The following ACSS2 variants were observed in gnomAD, a reference collection of about 807,000 sequenced individuals.
ACSS2 encodes acetyl-coenzyme A synthetase, cytoplasmic.
A neutral mutation model predicts 90.6 loss-of-function variants in ACSS2; 58 were observed. The observed-to-expected ratio is 0.64, with a 90% CI of 0.52 to 0.80. ACSS2 has a LOEUF of 0.80. ACSS2 is among the 30% of genes least tolerant of loss of function. ACSS2 has a pLI of 0.00. For synonymous variants in ACSS2, 300 were observed against 330.9 expected, an observed-to-expected ratio of 0.91 and a Z score of 1.01; for missense variants, 759 against 912.0, an observed-to-expected ratio of 0.83 and a Z score of 2.16.
At position 34,919,370 on chromosome 20, in the gene ACSS2, A is replaced by G. The variant is rs932021703; in HGVS notation, c.835-65A>G. The G allele has an allele frequency of 2.5e-6, 4 of 1,592,750 alleles. No homozygotes were observed. The East Asian group carries it at 9.0e-5, about 36-fold the overall frequency. On this transcript the variant is annotated intron_variant, in intron 7 of 17. Transcript: ENST00000360596. ...GTCCCACCTCATTCCCTCCAGGGGC[A>G]AGGTACGGGTGTATCTTGTCCCCAT... is the stretch of plus-strand genomic sequence containing the variant.
intron 14 of ACSS2, 104 bp downstream of exon 14, chr20:34,923,535 C>G (rs1319659254): frequency 2.5e-6 from 2 of 802,576 alleles, no homozygotes; most frequent in Non-Finnish European, 4.2e-6. Flanking sequence ...ATACCTGAGA[C>G]TGGGTGATTT....
At chr20:34,923,953 G>T (rs982743945) in intron 14 of ACSS2, among the ~76,000 whole-genome samples, 1 of 152,078 alleles carries the variant, frequency 6.6e-6, no homozygotes, top group Non-Finnish European at 1.5e-5. Context: ...AATTAGAGAA[G>T]AATGTGTCCT....
intron 2 of ACSS2, among the ~76,000 whole-genome samples, chr20:34,889,217 G>A (rs1455501406): frequency 6.6e-6 from 1 of 151,984 alleles, no homozygotes; most frequent in Admixed American, 6.6e-5. Flanking sequence ...CTGCCTCCTG[G>A]GTTCACACCA....
At chr20:34,926,756 C>A in intron 16 of ACSS2, 121 bp from the exon 17 acceptor site, 1 of 881,934 alleles carries the variant, frequency 1.1e-6, no homozygotes, top group Non-Finnish European at 1.8e-6. Flanking sequence ...GAACCTGAGG[C>A]TGTCTCTGTG....
chr20:34,876,532 C>A, upstream of ACSS2: 1 of 1,223,260 alleles, frequency 8.2e-7, no homozygotes, highest in Non-Finnish European at 1.0e-6. Context: ...GCCACTCCCC[C>A]ACTCACCAGG....
chr20:34,888,302 A>C (rs1408311224), intron 2 of ACSS2, among the ~76,000 whole-genome samples: 1 of 152,112 alleles, frequency 6.6e-6, no homozygotes, highest in Non-Finnish European at 1.5e-5. Context: ...CAGTTTTCTC[A>C]ACTGTTAAAC....
intron 2 of ACSS2, among the ~76,000 whole-genome samples, chr20:34,901,202 T>G (rs1047609820): frequency 3.9e-5 from 6 of 152,214 alleles, no homozygotes; most frequent in African/African-American, 1.4e-4. Flanking sequence ...TTCTCAATGG[T>G]AAATAAGAGT....
chr20:34,913,030 CT>C, intron 2 of ACSS2, 65 bp from the exon 3 acceptor site: 2 of 1,235,672 alleles, frequency 1.6e-6, no homozygotes, highest in Non-Finnish European at 1.2e-6. Context: ...TTTTATGACT[CT>C]GCCTGTTTCT....
At chr20:34,878,228 C>T (rs1034472697) in intron 1 of ACSS2, among the ~76,000 whole-genome samples, 5 of 152,166 alleles carry the variant, frequency 3.3e-5, no homozygotes, top group East Asian at 1.9e-4. Context: ...TGAGCTACTG[C>T]GCCTAGCCAA....
At chr20:34,898,446 A>T (rs1302101230) in intron 2 of ACSS2, among the ~76,000 whole-genome samples, 3 of 152,138 alleles carry the variant, frequency 2.0e-5, no homozygotes, top group African/African-American at 7.2e-5. Flanking sequence ...GAGTAGCTAG[A>T]TACAGAGTGT....
At chr20:34,896,357 A>G (rs1281269995) in intron 2 of ACSS2, among the ~76,000 whole-genome samples, 1 of 152,222 alleles carries the variant, frequency 6.6e-6, no homozygotes, top group Admixed American at 6.5e-5. Flanking sequence ...AGCCCACTGT[A>G]GGATCTCAAG....
chr20:34,881,832 A>G (rs1405669565), intron 1 of ACSS2, among the ~76,000 whole-genome samples: 3 of 152,216 alleles, frequency 2.0e-5, no homozygotes, highest in Admixed American at 2.0e-4. Context: ...ATTAAATGAG[A>G]TAATACATAT....
chr20:34,894,824 T>C (rs375740416), intron 2 of ACSS2, among the ~76,000 whole-genome samples: 8 of 152,314 alleles, frequency 5.3e-5, no homozygotes, highest in African/African-American at 1.9e-4. Flanking sequence ...AGGGGAAAGT[T>C]TGTGTAAATT....
intron 13 of ACSS2, 162 bp from the exon 14 acceptor site, chr20:34,923,161 C>T (rs2081238835): frequency 3.4e-6 from 2 of 593,244 alleles, no homozygotes; most frequent in Non-Finnish European, 3.1e-6. Context: ...TCTGAGGTCA[C>T]CTAGCTAGTA....
intron 2 of ACSS2, among the ~76,000 whole-genome samples, chr20:34,900,633 G>A (rs1296382580): frequency 6.6e-6 from 1 of 152,186 alleles, no homozygotes; most frequent in Non-Finnish European, 1.5e-5. Flanking sequence ...CCAAATTTGG[G>A]TGATAGGATG....
chr20:34,901,480 C>A (rs2080657789), intron 2 of ACSS2, among the ~76,000 whole-genome samples: 1 of 152,182 alleles, frequency 6.6e-6, no homozygotes, highest in African/African-American at 2.4e-5. Context: ...TTGATACTTA[C>A]TGCAGCTAGG....
chr20:34,920,149 G>A (rs549252419), intron 8 of ACSS2, among the ~76,000 whole-genome samples: 2 of 152,288 alleles, frequency 1.3e-5, no homozygotes, highest in South Asian at 4.1e-4. Flanking sequence ...ATGGGGGTAG[G>A]GATGGAATAA....
At chr20:34,900,539 G>A (rs2080632342) in intron 2 of ACSS2, among the ~76,000 whole-genome samples, 1 of 152,060 alleles carries the variant, frequency 6.6e-6, no homozygotes, top group Non-Finnish European at 1.5e-5. Flanking sequence ...AGGAATCAAT[G>A]TTTAGGGAGA....
chr20:34,910,073 G>T (rs2147065568), intron 2 of ACSS2, among the ~76,000 whole-genome samples: 1 of 149,930 alleles, frequency 6.7e-6, no homozygotes, highest in South Asian at 2.1e-4. Flanking sequence ...CTAGGCTGGA[G>T]TGCGATGGCA....
Sources: gnomAD v4.1 joint callset for allele counts (sites outside exome capture counted in the v4.1 genomes callset) on GRCh38, gnomAD v4.1.1 for gene constraint, MANE v1.5 for transcripts, NCBI Gene and HGNC (gene_info 2026-07-23, HGNC 2026-07-21) for gene names.